The following USH2A variants were observed in gnomAD, a reference collection of about 807,000 sequenced individuals.
The protein encoded by USH2A is usherin, also known as Usher syndrome 2A (autosomal recessive, mild).
USH2A carries 443 observed loss-of-function variants against 538.9 expected under a neutral mutation model. The ratio of observed to expected loss-of-function variants is 0.82; its 90% confidence interval spans 0.76 to 0.89. The LOEUF is 0.89. Among genes scored for constraint, USH2A ranks in the 40% least tolerant of loss-of-function variants. The pLI, the probability that USH2A is intolerant of heterozygous loss-of-function variation, is 0.00. For missense variants in USH2A, 6,633 were observed against 6,324.8 expected, an observed-to-expected ratio of 1.05 and a Z score of -1.65; for synonymous variants, 2,413 against 2,273.5, an observed-to-expected ratio of 1.06 and a Z score of -1.75.
chr1:215,631,790 T>C (rs1415994058), intron 70 of USH2A, among the ~76,000 whole-genome samples: 1 of 152,180 alleles, frequency 6.6e-6, no homozygotes, highest in Admixed American at 6.5e-5. Context: ...ATCAGTTGGG[T>C]GCCACTGTGC....
At chr1:216,111,335 G>C (rs1343361117) in intron 21 of USH2A, among the ~76,000 whole-genome samples, 1 of 152,166 alleles carries the variant, frequency 6.6e-6, no homozygotes, top group Non-Finnish European at 1.5e-5. Context: ...AAAGTGTTGA[G>C]ACGAGGATGA....
intron 10 of USH2A, among the ~76,000 whole-genome samples, chr1:216,290,667 T>C (rs939896024): frequency 2.0e-5 from 3 of 152,184 alleles, no homozygotes; most frequent in Admixed American, 6.5e-5. Context: ...GAGGATTTCC[T>C]TGAAGGAAAG....
At chr1:215,994,020 A>G (rs1668074811) in intron 34 of USH2A, among the ~76,000 whole-genome samples, 1 of 152,196 alleles carries the variant, frequency 6.6e-6, no homozygotes, top group Non-Finnish European at 1.5e-5. Context: ...CATATTTGCT[A>G]GCAAATATTA....
At chr1:216,016,057 G>T (rs1351682363) in intron 32 of USH2A, among the ~76,000 whole-genome samples, 1 of 152,090 alleles carries the variant, frequency 6.6e-6, no homozygotes, top group Non-Finnish European at 1.5e-5. Flanking sequence ...CATGGATGAA[G>T]CTGGAAACCA....
intron 49 of USH2A, among the ~76,000 whole-genome samples, chr1:215,807,883 T>A (rs1305619849): frequency 6.6e-6 from 1 of 151,984 alleles, no homozygotes; most frequent in Admixed American, 6.6e-5. Context: ...TTACTAAACA[T>A]TTTTTTTCTA....
At chr1:215,692,959 T>C (rs1227447081) in intron 61 of USH2A, among the ~76,000 whole-genome samples, 2 of 151,502 alleles carry the variant, frequency 1.3e-5, no homozygotes, top group African/African-American at 4.8e-5. Context: ...GTTGGAGTAT[T>C]GTGGCATGAT....
intron 35 of USH2A, among the ~76,000 whole-genome samples, chr1:215,979,781 G>C (rs931833338): frequency 4.6e-5 from 7 of 151,998 alleles, no homozygotes; most frequent in Admixed American, 2.0e-4. Flanking sequence ...TCACTATTCA[G>C]AAAAGAGTGT....
intron 37 of USH2A, among the ~76,000 whole-genome samples, chr1:215,944,108 A>G (rs1417360590): frequency 6.6e-6 from 1 of 152,206 alleles, no homozygotes; most frequent in Non-Finnish European, 1.5e-5. Flanking sequence ...TTTAATGTAT[A>G]AACGAGTTAT....
intron 38 of USH2A, among the ~76,000 whole-genome samples, chr1:215,903,317 G>C (rs1457438276): frequency 1.3e-5 from 2 of 152,072 alleles, no homozygotes; most frequent in African/African-American, 4.8e-5. Flanking sequence ...AAGACAACGA[G>C]GGGGTAAAGG....
chr1:216,383,653 C>T (rs534672171), intron 3 of USH2A, among the ~76,000 whole-genome samples: 1 of 152,100 alleles, frequency 6.6e-6, no homozygotes, highest in East Asian at 1.9e-4. Context: ...ATTATCTTCA[C>T]GTATAATTCT....
chr1:215,864,865 TA>T (rs1664430008), intron 44 of USH2A, among the ~76,000 whole-genome samples: 1 of 152,124 alleles, frequency 6.6e-6, no homozygotes, highest in African/African-American at 2.4e-5. Context: ...CTGTGATTGA[TA>T]AAAATTTACC....
chr1:216,144,336 A>G (rs2033653115), intron 21 of USH2A, among the ~76,000 whole-genome samples: 1 of 152,032 alleles, frequency 6.6e-6, no homozygotes, highest in South Asian at 2.1e-4. Context: ...TCTGGACTGC[A>G]GGGTTTTTTG....
At chr1:216,087,129 G>C (rs975199018) in intron 23 of USH2A, among the ~76,000 whole-genome samples, 1 of 152,174 alleles carries the variant, frequency 6.6e-6, no homozygotes, top group Non-Finnish European at 1.5e-5. Flanking sequence ...AAGGCCAGGG[G>C]AACCTGGGTC....
chr1:215,647,757 C>T, intron 66 of USH2A, 27 bp from the exon 67 acceptor site: 2 of 1,610,846 alleles, frequency 1.2e-6, no homozygotes, highest in Non-Finnish European at 1.7e-6. Context: ...TACGTAGAGT[C>T]AAGACGGGTA....
chr1:216,097,035 C>A (rs909961592), intron 22 of USH2A, 48 bp downstream of exon 22: 1 of 1,535,492 alleles, frequency 6.5e-7, no homozygotes, highest in South Asian at 1.2e-5. Context: ...CAGTACCAGG[C>A]ACCTACTAAA....
chr1:216,388,293 C>T (rs566108916), intron 3 of USH2A, among the ~76,000 whole-genome samples: 7 of 152,262 alleles, frequency 4.6e-5, no homozygotes, highest in East Asian at 3.9e-4. Flanking sequence ...ATTGTTTTAA[C>T]GGCTGTCCTT....
intron 14 of USH2A, among the ~76,000 whole-genome samples, chr1:216,221,250 A>G (rs982186556): frequency 1.3e-5 from 2 of 152,106 alleles, no homozygotes; most frequent in Non-Finnish European, 2.9e-5. Flanking sequence ...CCTCACTCCC[A>G]GGGAATGGAC....
intron 6 of USH2A, among the ~76,000 whole-genome samples, chr1:216,324,628 A>G (rs970364472): frequency 6.6e-6 from 1 of 152,178 alleles, no homozygotes; most frequent in Admixed American, 6.5e-5. Context: ...AATGTCATAT[A>G]TAGAGACTTC....
intron 20 of USH2A, among the ~76,000 whole-genome samples, chr1:216,181,295 T>G (rs769074579): frequency 1.3e-5 from 2 of 152,044 alleles, no homozygotes; most frequent in Non-Finnish European, 2.9e-5. Flanking sequence ...GTTTCAAAAT[T>G]CTTTGGTTGA....
Sources: gnomAD v4.1 joint callset for allele counts (sites outside exome capture counted in the v4.1 genomes callset) on GRCh38, gnomAD v4.1.1 for gene constraint, MANE v1.5 for transcripts, NCBI Gene and HGNC (gene_info 2026-07-23, HGNC 2026-07-21) for gene names.